Variants in VPS13B observed in about 807,000 individuals in gnomAD.
The protein encoded by VPS13B is intermembrane lipid transfer protein VPS13B.
Under a neutral mutation model 426.4 loss-of-function variants are expected in VPS13B, and 285 were observed. The ratio of observed to expected loss-of-function variants is 0.67; its 90% CI spans 0.61 to 0.74. VPS13B has a LOEUF of 0.74. Ranked by LOEUF, VPS13B falls within the 30% of genes least tolerant of loss-of-function variation. The pLI, the probability that VPS13B is intolerant of heterozygous loss-of-function variation, is 0.00. For missense variants in VPS13B, 4,537 were observed against 4,782.6 expected (o/e 0.95, Z 1.51); for synonymous variants, 1,676 against 1,676.4 (o/e 1.00, Z 0.01).
intron 8 of VPS13B, among the ~76,000 whole-genome samples, chr8:99,130,744 A>G (rs1809740896): frequency 6.6e-6 from 1 of 152,156 alleles, no homozygotes; most frequent in Admixed American, 6.5e-5. Flanking sequence ...CTGAAGAGGG[A>G]TCAATTTAAA....
intron 33 of VPS13B, among the ~76,000 whole-genome samples, chr8:99,606,624 C>CTTTTTTTTTTTTTTTTTT (rs1193844207): frequency 7.3e-6 from 1 of 137,238 alleles, no homozygotes; most frequent in African/African-American, 2.6e-5. Context: ...TTTTCTTTTT[C>CTTTTTTTTTTTTTTTTTT]TTTTCTTTTT....
intron 31 of VPS13B, among the ~76,000 whole-genome samples, chr8:99,558,908 C>A (rs1484615403): frequency 1.3e-5 from 2 of 152,134 alleles, no homozygotes; most frequent in Admixed American, 6.6e-5. Flanking sequence ...GATTTATAAT[C>A]CTTTGGGTAT....
chr8:99,187,507 C>T (rs1813285478), intron 16 of VPS13B, among the ~76,000 whole-genome samples: 1 of 152,096 alleles, frequency 6.6e-6, no homozygotes, highest in South Asian at 2.1e-4. Flanking sequence ...ATTTTCTGGT[C>T]CATTCATTCC....
At chr8:99,750,089 A>C (rs1380703687) in intron 39 of VPS13B, among the ~76,000 whole-genome samples, 1 of 152,114 alleles carries the variant, frequency 6.6e-6, no homozygotes, top group Admixed American at 6.6e-5. Flanking sequence ...ATTTCCTGTC[A>C]GTGGATTTAT....
intron 33 of VPS13B, among the ~76,000 whole-genome samples, chr8:99,595,350 A>G (rs956493441): frequency 6.6e-6 from 1 of 151,946 alleles, no homozygotes; most frequent in African/African-American, 2.4e-5. Flanking sequence ...ATTTTTGACA[A>G]GGTAGTCTAG....
At chr8:99,154,506 A>G (rs1811250156) in intron 14 of VPS13B, among the ~76,000 whole-genome samples, 1 of 152,174 alleles carries the variant, frequency 6.6e-6, no homozygotes, top group Admixed American at 6.5e-5. Context: ...CTTACTCAGA[A>G]GGCAGCCCAA....
At position 99,230,857 on chromosome 8, in the gene VPS13B, G is replaced by A. The variant is rs1415560181; in HGVS notation, c.2515+37800G>A. Among the ~76,000 whole-genome samples, 5 of 152,218 alleles carry A rather than the reference G, an allele frequency of 3.3e-5. No homozygotes were observed. The East Asian group carries it at 9.6e-4, about 29-fold the overall frequency. On this transcript the variant is annotated intron_variant, in intron 17 of 61. Transcript: ENST00000357162. ...TGGGCATTCATCTGAAATCTACTCT[G>A]GTTTCAGCTTTGGCCTTGGCCTTTG...
At position 99,832,557 on chromosome 8, in the gene VPS13B, G is replaced by C. The variant is rs747662530; in HGVS notation, c.9519G>C (p.Gln3173His). The change falls in exon 52 of 62, where the codon CAG (glutamine) becomes CAC (histidine). Residue 3173 changes from glutamine to histidine, a missense_variant. By Grantham distance (24) the Gln-to-His change is conservative (BLOSUM62 0). Coordinates refer to ENST00000357162, the MANE Select transcript of VPS13B (RefSeq NM_152564.5). ...CTGCCCCAGGTGCTGACAGCTCACA[G>C]TGCTGGAGCCTGCCAGCTATAGTTA... ...FSPAPGADSS[Q>H]CWSLPAIVRP... 1 of 1,613,882 alleles carries C rather than the reference G, an allele frequency of 6.2e-7. No homozygotes were observed. Among genetic ancestry groups the C allele is most frequent in the Non-Finnish European group, 8.5e-7 (1 of 1,179,978 alleles).
chr8:99,609,256 T>C (rs1477068799), intron 33 of VPS13B, among the ~76,000 whole-genome samples: 1 of 152,214 alleles, frequency 6.6e-6, no homozygotes, highest in Non-Finnish European at 1.5e-5. Flanking sequence ...TAGTTAGTTA[T>C]GCAGATCTTC....
intron 35 of VPS13B, among the ~76,000 whole-genome samples, chr8:99,687,711 G>A (rs1831477711): frequency 6.6e-6 from 1 of 152,048 alleles, no homozygotes; most frequent in African/African-American, 2.4e-5. Context: ...TGCGGAGATG[G>A]AATAGGGTTG....
chr8:99,435,335 T>A lies in VPS13B; in HGVS notation c.3210+3671T>A, dbSNP rs189689606. Reference sequence around the variant, plus strand: ...AACCTCATTCCCTCTTATCTAATGATTGAATAATGTGGTATAATTATCCTT... The same window carrying A: ...AACCTCATTCCCTCTTATCTAATGAATGAATAATGTGGTATAATTATCCTT... On this transcript the variant is annotated intron_variant, in intron 22 of 61. Transcript: ENST00000357162. 2.4e-3 allele frequency among the ~76,000 whole-genome samples: 365 copies of A among 152,338 alleles called. 2 individuals carry two copies. Among genetic ancestry groups the A allele is most frequent in the African/African-American group, 8.6e-3 (356 of 41,580 alleles).
chr8:99,386,386 A>C, intron 20 of VPS13B, among the ~76,000 whole-genome samples: 1 of 152,238 alleles, frequency 6.6e-6, no homozygotes. Context: ...TTGTGCAAAC[A>C]TCATAGAGTG....
intron 31 of VPS13B, among the ~76,000 whole-genome samples, chr8:99,574,224 T>C (rs1016453147): frequency 6.6e-6 from 1 of 152,212 alleles, no homozygotes; most frequent in African/African-American, 2.4e-5. Context: ...GTTTTCTAAA[T>C]ATACAATCAT....
Position 99,624,710 on chromosome 8 carries a change from A to G in VPS13B, c.5221-17101A>G, listed in dbSNP as rs1433122408. The stretch of plus-strand genomic sequence containing the variant: ...TTGTTCCAGTGAAAACCTTGAACAT[A>G]CCAGGTTTTTCATTGTGATTTAACT... On this transcript the variant is annotated intron_variant, in intron 33 of 61. Transcript: ENST00000357162. Among the ~76,000 whole-genome samples the G allele has an allele frequency of 2.6e-5, 4 of 152,122 alleles. No individual in the cohort carries two copies. The South Asian group carries it at 8.3e-4, about 32-fold the overall frequency.
intron 44 of VPS13B, among the ~76,000 whole-genome samples, chr8:99,811,680 T>C (rs2130792235): frequency 6.6e-6 from 1 of 152,312 alleles, no homozygotes; most frequent in African/African-American, 2.4e-5. Flanking sequence ...GAAATGGTTT[T>C]AATGGTATGT....
intron 16 of VPS13B, among the ~76,000 whole-genome samples, chr8:99,177,249 A>G (rs1460623272): frequency 2.0e-5 from 3 of 152,274 alleles, no homozygotes; most frequent in South Asian, 2.1e-4. Context: ...GGACCATCCT[A>G]TGATAGGGGC....
intron 17 of VPS13B, among the ~76,000 whole-genome samples, chr8:99,269,726 G>C (rs1818479381): frequency 6.6e-6 from 1 of 152,156 alleles, no homozygotes; most frequent in Admixed American, 6.5e-5. Context: ...AAGTATTCCT[G>C]TGAGTGGTGC....
intron 33 of VPS13B, among the ~76,000 whole-genome samples, chr8:99,582,807 C>T (rs62534596): frequency 0.02 from 2,991 of 152,238 alleles, 46 homozygotes; most frequent in Non-Finnish European, 0.029. Flanking sequence ...AGGCGCCCGC[C>T]ACCACGCCCG....
chr8:99,755,121 C>A (rs2130561277), intron 39 of VPS13B, among the ~76,000 whole-genome samples: 2 of 152,194 alleles, frequency 1.3e-5, no homozygotes, highest in East Asian at 3.9e-4. Context: ...TGCACACCCC[C>A]AGGGATGTGT....
Sources: gnomAD v4.1 joint callset for allele counts (sites outside exome capture counted in the v4.1 genomes callset) on GRCh38, gnomAD v4.1.1 for gene constraint, MANE v1.5 for transcripts, NCBI Gene and HGNC (gene_info 2026-07-23, HGNC 2026-07-21) for gene names.